The following GREM2 variants were observed in gnomAD, a reference collection of about 807,000 sequenced individuals.
GREM2 encodes the protein gremlin 2, DAN family BMP antagonist.
GREM2 carries 11 observed loss-of-function variants against 14.2 expected under a neutral mutation model. The observed-to-expected ratio is 0.78, with a 90% CI of 0.49 to 1.28. The LOEUF is 1.28. GREM2 is among the 50% of genes most tolerant of loss of function. The pLI, the probability that GREM2 is intolerant of heterozygous loss-of-function variation, is 0.00. For missense variants in GREM2, 210 were observed against 218.5 expected (o/e 0.96, Z 0.24); for synonymous variants, 98 against 97.6 (o/e 1.00, Z -0.02).
intron 1 of GREM2, among the ~76,000 whole-genome samples, chr1:240,535,108 A>G (rs1678447225): frequency 6.6e-6 from 1 of 152,204 alleles, no homozygotes. Flanking sequence ...TAGAGCTATT[A>G]GTTAAATATA....
At chr1:240,531,137 A>G (rs1481754198) in intron 1 of GREM2, among the ~76,000 whole-genome samples, 1 of 152,234 alleles carries the variant, frequency 6.6e-6, no homozygotes, top group Non-Finnish European at 1.5e-5. Context: ...TTAACCAAGG[A>G]AGACTCATAT....
chr1:240,586,028 GAAAA>G (rs887096662), intron 1 of GREM2, among the ~76,000 whole-genome samples: 2 of 127,290 alleles, frequency 1.6e-5, no homozygotes, highest in Non-Finnish European at 3.4e-5. Context: ...ACCCACGATA[GAAAA>G]AAAAAAAAAG....
At chr1:240,547,980 G>A (rs1042701621) in intron 1 of GREM2, among the ~76,000 whole-genome samples, 6 of 152,014 alleles carry the variant, frequency 3.9e-5, no homozygotes, top group Non-Finnish European at 5.9e-5. Flanking sequence ...AGAAAGACGC[G>A]GCTGGGCATG....
chr1:240,584,164 G>A (rs1229235359), intron 1 of GREM2, among the ~76,000 whole-genome samples: 1 of 151,942 alleles, frequency 6.6e-6, no homozygotes, highest in Non-Finnish European at 1.5e-5. Context: ...AAAACAATAA[G>A]CCTGGGCAAC....
chr1:240,591,093 TA>T (rs1277914208), intron 1 of GREM2, among the ~76,000 whole-genome samples: 1 of 152,212 alleles, frequency 6.6e-6, no homozygotes, highest in East Asian at 1.9e-4. Context: ...AATGACTTCT[TA>T]ACTGTCTTCT....
chr1:240,495,937 TTTTG>T (rs1677402820), intron 1 of GREM2, among the ~76,000 whole-genome samples: 1 of 149,996 alleles, frequency 6.7e-6, no homozygotes, highest in South Asian at 2.1e-4. Context: ...TTTTTTTTGT[TTTTG>T]TTTTTGTTTT....
At chr1:240,581,297 G>C (rs1189763777) in intron 1 of GREM2, among the ~76,000 whole-genome samples, 7 of 150,892 alleles carry the variant, frequency 4.6e-5, no homozygotes, top group Non-Finnish European at 1.0e-4. Context: ...GCCTAAGTTT[G>C]TCACCCAGCT....
At chr1:240,530,249 T>C (rs1280290782) in intron 1 of GREM2, among the ~76,000 whole-genome samples, 1 of 152,172 alleles carries the variant, frequency 6.6e-6, no homozygotes, top group Non-Finnish European at 1.5e-5. Flanking sequence ...TGTGAGTCTC[T>C]AAAAGAGAGT....
chr1:240,531,038 A>G (rs1678347787), intron 1 of GREM2, among the ~76,000 whole-genome samples: 1 of 152,214 alleles, frequency 6.6e-6, no homozygotes, highest in Non-Finnish European at 1.5e-5. Flanking sequence ...GCTTTCTTTT[A>G]TTCTGTTAAA....
chr1:240,610,643 C>T (rs796480142), intron 1 of GREM2, among the ~76,000 whole-genome samples: 36 of 152,330 alleles, frequency 2.4e-4, no homozygotes, highest in African/African-American at 8.4e-4. Flanking sequence ...AAGCTAAGCA[C>T]GGCTGAATGG....
chr1:240,593,299 T>C (rs1446265037), intron 1 of GREM2, among the ~76,000 whole-genome samples: 1 of 152,208 alleles, frequency 6.6e-6, no homozygotes, highest in Non-Finnish European at 1.5e-5. Flanking sequence ...CATTGTCACT[T>C]GGCTCCTATC....
intron 1 of GREM2, among the ~76,000 whole-genome samples, chr1:240,563,680 C>A (rs1456642121): frequency 6.6e-6 from 1 of 152,134 alleles, no homozygotes; most frequent in African/African-American, 2.4e-5. Context: ...TCCAGGTAGA[C>A]CTGGGATCCT....
chr1:240,525,632 C>A (rs1028327084), intron 1 of GREM2, among the ~76,000 whole-genome samples: 1 of 152,058 alleles, frequency 6.6e-6, no homozygotes, highest in Non-Finnish European at 1.5e-5. Flanking sequence ...GTGTGCACCA[C>A]CACACCTGGC....
At chr1:240,546,454 T>G (rs1678720510) in intron 1 of GREM2, among the ~76,000 whole-genome samples, 1 of 152,112 alleles carries the variant, frequency 6.6e-6, no homozygotes. Flanking sequence ...CACCCAGCAC[T>G]AGAGGATGGG....
At chr1:240,516,450 C>T (rs1677959457) in intron 1 of GREM2, among the ~76,000 whole-genome samples, 1 of 152,070 alleles carries the variant, frequency 6.6e-6, no homozygotes, top group African/African-American at 2.4e-5. Flanking sequence ...CTATTGTTCC[C>T]TAAACTTATT....
At chr1:240,570,973 G>A (rs1207269413) in intron 1 of GREM2, among the ~76,000 whole-genome samples, 2 of 152,112 alleles carry the variant, frequency 1.3e-5, no homozygotes, top group African/African-American at 2.4e-5. Context: ...GCATATCCAG[G>A]TTAAATACCT....
intron 1 of GREM2, among the ~76,000 whole-genome samples, chr1:240,495,743 C>T (rs1677398292): frequency 1.3e-5 from 2 of 151,968 alleles, no homozygotes; most frequent in African/African-American, 2.4e-5. Context: ...AAAATATTTA[C>T]GTTAAAATAT....
At chr1:240,599,245 G>T (rs1679874385) in intron 1 of GREM2, among the ~76,000 whole-genome samples, 1 of 148,298 alleles carries the variant, frequency 6.7e-6, no homozygotes, top group South Asian at 2.2e-4. Flanking sequence ...TTCAGCCGGG[G>T]CAACAGAGTG....
intron 1 of GREM2, among the ~76,000 whole-genome samples, chr1:240,538,991 A>G (rs546989345): frequency 1.2e-4 from 19 of 152,328 alleles, no homozygotes; most frequent in African/African-American, 4.1e-4. Context: ...ACTGATGCCA[A>G]GTACATGGCA....
Sources: gnomAD v4.1 joint callset for allele counts (sites outside exome capture counted in the v4.1 genomes callset) on GRCh38, gnomAD v4.1.1 for gene constraint, MANE v1.5 for transcripts, NCBI Gene and HGNC (gene_info 2026-07-23, HGNC 2026-07-21) for gene names.